TAF4B: variants seen among roughly 807,000 people sequenced by gnomAD.
The protein encoded by TAF4B is TATA-box binding protein associated factor 4b, also known as transcription initiation factor TFIID subunit 4B.
TAF4B carries 38 observed loss-of-function variants against 86.4 expected under a neutral mutation model. That is an observed-to-expected ratio of 0.44 (90% CI 0.34 to 0.58). The LOEUF (loss-of-function observed/expected upper bound fraction) is 0.58, where lower values mean the gene tolerates loss of function less well. Among genes scored for constraint, TAF4B ranks in the 20% least tolerant of loss-of-function variants. The pLI, the probability that TAF4B is intolerant of heterozygous loss-of-function variation, is 0.02. For missense variants in TAF4B, 988 were observed against 1,027.6 expected (o/e 0.96, Z 0.53); for synonymous variants, 388 against 391.2 (o/e 0.99, Z 0.10).
intron 9 of TAF4B, 122 bp downstream of exon 9, chr18:26,293,653 T>C (rs1398248704): frequency 5.5e-5 from 32 of 580,444 alleles, no homozygotes; most frequent in Non-Finnish European, 5.9e-6. Context: ...CTAACAGTAC[T>C]TTATTGAGTA....
intron 5 of TAF4B, among the ~76,000 whole-genome samples, chr18:26,278,910 G>C (rs1161916238): frequency 6.6e-6 from 1 of 151,976 alleles, no homozygotes; most frequent in Non-Finnish European, 1.5e-5. Flanking sequence ...TAGTCTTGCA[G>C]ATCCATAGCC....
chr18:26,347,946 G>A (rs913643076), intron 13 of TAF4B, among the ~76,000 whole-genome samples: 2 of 152,168 alleles, frequency 1.3e-5, no homozygotes, highest in Admixed American at 6.5e-5. Flanking sequence ...TAAAGGGAAA[G>A]ATAGATCCCA....
chr18:26,233,452 T>C, intron 1 of TAF4B, among the ~76,000 whole-genome samples: 1 of 152,164 alleles, frequency 6.6e-6, no homozygotes, highest in East Asian at 1.9e-4. Context: ...TGATGATTTT[T>C]GGAGGCCCTG....
At chr18:26,328,449 C>CA (rs2057023686) in intron 12 of TAF4B, among the ~76,000 whole-genome samples, 1 of 151,392 alleles carries the variant, frequency 6.6e-6, no homozygotes, top group African/African-American at 2.4e-5. Context: ...ACTCCATCTC[C>CA]AAAAAATAAA....
At chr18:26,387,192 A>C (rs887324138) in intron 14 of TAF4B, among the ~76,000 whole-genome samples, 2 of 152,100 alleles carry the variant, frequency 1.3e-5, no homozygotes, top group Non-Finnish European at 2.9e-5. Flanking sequence ...CAGTCTCCCG[A>C]GTAAGTGAGC....
chr18:26,283,914 C>T (rs558871052), intron 6 of TAF4B, among the ~76,000 whole-genome samples: 183 of 152,174 alleles, frequency 1.2e-3, no homozygotes, highest in African/African-American at 4.2e-3. Context: ...GTTAGTTGGA[C>T]GTGGTGGCGC....
intron 1 of TAF4B, among the ~76,000 whole-genome samples, chr18:26,240,000 A>G (rs1222990237): frequency 1.3e-5 from 2 of 152,146 alleles, no homozygotes; most frequent in Non-Finnish European, 2.9e-5. Context: ...GCCTTGTAGT[A>G]TAGTTTGAAG....
At chr18:26,271,953 A>G (rs2056324501) in intron 3 of TAF4B, among the ~76,000 whole-genome samples, 2 of 150,544 alleles carry the variant, frequency 1.3e-5, no homozygotes, top group East Asian at 1.9e-4. Context: ...AGACACTTTT[A>G]AGGGTGAGGG....
At chr18:26,321,233 C>A in intron 11 of TAF4B, 33 bp downstream of exon 11, 1 of 1,611,356 alleles carries the variant, frequency 6.2e-7, no homozygotes, top group Non-Finnish European at 8.5e-7. Flanking sequence ...TATAAACTCT[C>A]GAGTGTTATA....
rs1567936894 is a variant in TAF4B at position 26,390,742 on chromosome 18, A to G, written c.*730A>G. 1 of 152,210 alleles carries G rather than the reference A, an allele frequency of 6.6e-6. No homozygotes were observed. Among genetic ancestry groups the G allele is most frequent in the Non-Finnish European group, 1.5e-5 (1 of 68,026 alleles). The allele number at this position is 152,210 out of a possible 1,614,324, so 9.4% of individuals were successfully genotyped here. A position where few individuals can be genotyped will look rare whatever the true frequency, so the allele number is the denominator to read the frequency against. The stretch of plus-strand genomic sequence containing the variant: ...AAGGAACGTTAGGGCGTTGCTTTCA[A>G]ACTGATGAGGGGAATGTGAAAATGG... On this transcript the variant is annotated 3_prime_UTR_variant, in exon 15 of 15. Transcript: ENST00000269142.
intron 3 of TAF4B, among the ~76,000 whole-genome samples, chr18:26,273,741 C>G (rs989707577): frequency 6.6e-6 from 1 of 152,166 alleles, no homozygotes. Context: ...AGTACATATT[C>G]CAGTCTCTCT....
chr18:26,311,662 C>T (rs887833568), intron 9 of TAF4B, among the ~76,000 whole-genome samples: 44 of 151,962 alleles, frequency 2.9e-4, no homozygotes, highest in African/African-American at 8.7e-4. Context: ...AAGACTAGAA[C>T]AGGAAGGGAA....
At chr18:26,347,726 T>C (rs2057211681) in intron 13 of TAF4B, among the ~76,000 whole-genome samples, 1 of 152,166 alleles carries the variant, frequency 6.6e-6, no homozygotes, top group African/African-American at 2.4e-5. Context: ...AAGTGAAGAA[T>C]AGAAAAAGAC....
In TAF4B at chr18:26,286,260, C is replaced by A. The variant is rs2056521301; in HGVS notation, c.1351C>A (p.Gln451Lys). Reference sequence around the variant, plus strand: ...AAACACAGTGACCACGGTCTCACTGCAACCTGAAAAGCCAGTTGTCTCTGG... The same window carrying A: ...AAACACAGTGACCACGGTCTCACTGAAACCTGAAAAGCCAGTTGTCTCTGG... ...VANTVTTVSL[Q>K]PEKPVVSGTA... Residue 451 changes from glutamine (Q) to lysine (K), a missense_variant, in exon 7 of 15, where the codon CAA becomes AAA. Gln to Lys is a moderately conservative substitution (Grantham distance 53, BLOSUM62 1). Transcript: ENST00000269142. 1 of 1,614,108 alleles carries A rather than the reference C, an allele frequency of 6.2e-7. No individual in the cohort carries two copies. Among genetic ancestry groups the A allele is most frequent in the Non-Finnish European group, 8.5e-7 (1 of 1,180,048 alleles).
At chr18:26,295,561 G>A (rs780622492) in intron 9 of TAF4B, among the ~76,000 whole-genome samples, 1 of 152,198 alleles carries the variant, frequency 6.6e-6, no homozygotes. Context: ...AGCTCAGGCA[G>A]TAATGCTCGC....
At chr18:26,261,401 C>A (rs551983651) in intron 1 of TAF4B, among the ~76,000 whole-genome samples, 1 of 151,906 alleles carries the variant, frequency 6.6e-6, no homozygotes, top group African/African-American at 2.4e-5. Flanking sequence ...GGGGTTTCAC[C>A]GTTTTAGCCG....
rs555321491 is a variant in TAF4B at position 26,261,854 on chromosome 18, T to G, written c.344-3316T>G. Reference sequence around the variant, plus strand: ...TTGCTACTTTGTATTTGAGGGTGCCTTTAGCCTTGAACTTCTCCACTCTGT... The same window carrying G: ...TTGCTACTTTGTATTTGAGGGTGCCGTTAGCCTTGAACTTCTCCACTCTGT... On this transcript the variant is annotated intron_variant, in intron 1 of 14. Coordinates refer to ENST00000269142, the MANE Select transcript of TAF4B (RefSeq NM_005640.3). Among the ~76,000 whole-genome samples the G allele has an allele frequency of 5.2e-4, 79 of 152,314 alleles. 1 individual carries two copies. Among genetic ancestry groups the G allele is most frequent in the Non-Finnish European group, 9.4e-4 (64 of 68,020 alleles).
chr18:26,385,285 A>G (rs944103187), intron 14 of TAF4B, among the ~76,000 whole-genome samples: 2 of 152,192 alleles, frequency 1.3e-5, no homozygotes, highest in Admixed American at 1.3e-4. Context: ...GGTGTTATTT[A>G]TCTAAAATTG....
At chr18:26,358,664 C>T (rs546821928) in intron 14 of TAF4B, among the ~76,000 whole-genome samples, 31 of 152,192 alleles carry the variant, frequency 2.0e-4, no homozygotes, top group Non-Finnish European at 3.5e-4. Context: ...TTGCCAAGAT[C>T]GCGCCACTGC....
Sources: allele counts gnomAD v4.1 joint callset (sites outside exome capture counted in the v4.1 genomes callset), GRCh38; gene constraint gnomAD v4.1.1; transcripts MANE v1.5; gene names NCBI Gene and HGNC (gene_info 2026-07-23, HGNC 2026-07-21).